Variants in SASH1 observed in about 807,000 individuals in gnomAD.
SASH1 encodes SAM and SH3 domain containing 1.
In SASH1, 44 loss-of-function variants were observed where a neutral mutation model predicts 125.2. The ratio of observed to expected loss-of-function variants is 0.35; its 90% CI spans 0.28 to 0.45. The LOEUF is 0.45. SASH1 is among the 20% of genes least tolerant of loss of function. The probability of loss-of-function intolerance (pLI) is 1.00; values close to 1 mark genes in which losing one functional copy is unlikely to be tolerated. For synonymous variants in SASH1, 639 were observed against 649.1 expected (o/e 0.98, Z 0.24); for missense variants, 1,426 against 1,614.5 (o/e 0.88, Z 2.00).
intron 2 of SASH1, among the ~76,000 whole-genome samples, chr6:148,419,962 G>GA (rs977954589): frequency 7.9e-5 from 12 of 152,140 alleles, no homozygotes; most frequent in African/African-American, 2.9e-4. Flanking sequence ...AAGAAAAAGG[G>GA]AAAGTAAAGC....
intron 2 of SASH1, among the ~76,000 whole-genome samples, chr6:148,401,325 A>G (rs954113077): frequency 3.3e-5 from 5 of 152,070 alleles, no homozygotes; most frequent in African/African-American, 1.2e-4. Context: ...ATCAGGAAGG[A>G]CACACACTAG....
At position 148,415,339 on chromosome 6, in the gene SASH1, A is replaced by G. The variant is rs560681713; in HGVS notation, c.286-24845A>G. ...TTCCTTTCCTTCCTATTAAATAGTA[A>G]GTGCGAGGAAATAGTATCACTTTTC... On this transcript the variant is annotated intron_variant, in intron 2 of 19. Transcript: ENST00000367467. 3.3e-4 allele frequency among the ~76,000 whole-genome samples: 50 copies of G among 152,308 alleles called. 1 individual carries two copies. In the South Asian group the frequency reaches 0.01, roughly 31 times the overall value.
chr6:148,195,955 G>A, the SASH1 span, among the ~76,000 whole-genome samples: 1 of 152,192 alleles, frequency 6.6e-6, no homozygotes, highest in Non-Finnish European at 1.5e-5. Flanking sequence ...TATCTGAACT[G>A]TGTAGATTGT....
chr6:148,473,097 T>C (rs1443701595), intron 6 of SASH1, among the ~76,000 whole-genome samples: 2 of 152,204 alleles, frequency 1.3e-5, no homozygotes, highest in African/African-American at 4.8e-5. Flanking sequence ...TCTGAGGTTC[T>C]AGCTGCCTTC....
chr6:148,291,356 A>G (rs1406884124), intron 1 of SASH1, among the ~76,000 whole-genome samples: 1 of 152,172 alleles, frequency 6.6e-6, no homozygotes, highest in Non-Finnish European at 1.5e-5. Context: ...ATTATGTGTC[A>G]ATTTAAAATT....
At position 148,412,462 on chromosome 6, in the gene SASH1, C is replaced by G. The variant is rs534099881; in HGVS notation, c.285+22200C>G. 1.8e-4 allele frequency among the ~76,000 whole-genome samples: 27 copies of G among 152,236 alleles called. 2 individuals are homozygous for G. The South Asian group carries it at 5.6e-3, about 32-fold the overall frequency. ...TGATTTGATGAAGCATTTAGTGTTT[C>G]GTTTTTCAACTTAGAATTTGTACCA... On this transcript the variant is annotated intron_variant, in intron 2 of 19. Transcript: ENST00000367467.
the SASH1 span, among the ~76,000 whole-genome samples, chr6:148,264,070 T>C: frequency 1.3e-5 from 2 of 150,524 alleles, no homozygotes; most frequent in African/African-American, 2.5e-5. Context: ...GGAGGTTACA[T>C]AGGGCTGGAT....
chr6:148,530,482 C>T (rs1445224911), intron 12 of SASH1, among the ~76,000 whole-genome samples: 5 of 152,020 alleles, frequency 3.3e-5, no homozygotes, highest in East Asian at 1.9e-4. Context: ...TTTTTGAGGT[C>T]GCTTGCTCAC....
chr6:148,423,403 A>G (rs1251956930), intron 2 of SASH1, among the ~76,000 whole-genome samples: 2 of 152,382 alleles, frequency 1.3e-5, no homozygotes, highest in East Asian at 3.9e-4. Context: ...GTTAGAAAAT[A>G]TGGTTCAGAG....
chr6:148,207,707 C>A, the SASH1 span, among the ~76,000 whole-genome samples: 1 of 152,172 alleles, frequency 6.6e-6, no homozygotes. Context: ...CAAGAATACC[C>A]AACATCTAAA....
chr6:148,200,746 A>G, the SASH1 span, among the ~76,000 whole-genome samples: 1 of 152,198 alleles, frequency 6.6e-6, no homozygotes, highest in Non-Finnish European at 1.5e-5. Flanking sequence ...TGGAAGAAGG[A>G]TGGAGATTTT....
the SASH1 span, among the ~76,000 whole-genome samples, chr6:148,259,116 G>A: frequency 2.6e-5 from 4 of 152,156 alleles, no homozygotes; most frequent in Admixed American, 6.5e-5. Flanking sequence ...CTCAAAGATC[G>A]TTGTCTGCGA....
intron 1 of SASH1, among the ~76,000 whole-genome samples, chr6:148,322,886 T>TCC (rs1780677460): frequency 8.7e-6 from 1 of 114,560 alleles, no homozygotes; most frequent in Non-Finnish European, 1.9e-5. Flanking sequence ...TTTCTTTCTT[T>TCC]TTCTTCTTTC....
chr6:148,513,256 T>C, intron 8 of SASH1: 1 of 985,436 alleles, frequency 1.0e-6, no homozygotes, highest in Non-Finnish European at 1.2e-6. Context: ...ATCTTCCTAC[T>C]GTTCCATGAA....
chr6:148,414,788 C>G (rs751580374), intron 2 of SASH1, among the ~76,000 whole-genome samples: 10 of 152,132 alleles, frequency 6.6e-5, no homozygotes, highest in Non-Finnish European at 1.0e-4. Flanking sequence ...GCCTCAGCCT[C>G]CTGAGTAACT....
Position 148,544,297 on chromosome 6 carries a change from T to A in SASH1, c.2827T>A (p.Leu943Ile), listed in dbSNP as rs779780921. Residue 943 changes from leucine to isoleucine, a missense_variant, in exon 18 of 20, where the codon TTA becomes ATA. Transcript: ENST00000367467. The surrounding 1 kb of genome is among the most constrained non-coding windows in gnomAD (Gnocchi z 6.4). ...TCAGCCTCCTGGAGCTAAACACGGT[T>A]TAGCAAGGACGCCTCTGGAGGGCCA... ...DAQPPGAKHGLARTPLEGHRK... is the reference protein window; with the variant it reads ...DAQPPGAKHGIARTPLEGHRK... The A allele has an allele frequency of 6.3e-5, 102 of 1,610,552 alleles. No individual in the cohort carries two copies. Among genetic ancestry groups the A allele is most frequent in the Non-Finnish European group, 8.7e-5 (102 of 1,176,950 alleles).
chr6:148,220,174 A>G, the SASH1 span, among the ~76,000 whole-genome samples: 1 of 152,182 alleles, frequency 6.6e-6, no homozygotes, highest in East Asian at 1.9e-4. Context: ...CAGCTCTGGA[A>G]GCTGGAAAGT....
chr6:148,320,742 C>T (rs1225039059), intron 1 of SASH1, among the ~76,000 whole-genome samples: 4 of 152,180 alleles, frequency 2.6e-5, no homozygotes, highest in Non-Finnish European at 5.9e-5. Context: ...CTCCAGCCTC[C>T]CAAAGTGTTG....
chr6:148,523,096 T>G (rs1207415424), intron 10 of SASH1, among the ~76,000 whole-genome samples: 1 of 152,258 alleles, frequency 6.6e-6, no homozygotes, highest in East Asian at 1.9e-4. Flanking sequence ...AATGAGATTC[T>G]AATTTATTGC....
Sources: gnomAD v4.1 joint callset for allele counts (sites outside exome capture counted in the v4.1 genomes callset) on GRCh38, gnomAD v4.1.1 for gene constraint, Gnocchi (gnomAD v3.1) non-coding constraint, MANE v1.5 for transcripts, NCBI Gene and HGNC (gene_info 2026-07-23, HGNC 2026-07-21) for gene names.